Variants in COL14A1 observed in about 807,000 individuals in gnomAD.
COL14A1 encodes collagen type XIV alpha 1 chain, also known as collagen alpha-1(XIV) chain.
Under a neutral mutation model 230.3 loss-of-function variants are expected in COL14A1, and 136 were observed. The observed-to-expected ratio is 0.59, with a 90% CI of 0.51 to 0.68. The LOEUF (loss-of-function observed/expected upper bound fraction) is 0.68. COL14A1 is among the 30% of genes least tolerant of loss of function. The probability of loss-of-function intolerance (pLI) is 0.00; values close to 1 mark genes in which losing one functional copy is unlikely to be tolerated. For missense variants in COL14A1, 1,976 were observed against 2,215.8 expected (o/e 0.89, Z 2.17); for synonymous variants, 792 against 784.1 (o/e 1.01, Z -0.17).
intron 1 of COL14A1, among the ~76,000 whole-genome samples, chr8:120,141,426 G>T (rs2130433017): frequency 6.6e-6 from 1 of 152,072 alleles, no homozygotes. Context: ...CATGCCTATA[G>T]TCCAGCTGCT....
intron 40 of COL14A1, among the ~76,000 whole-genome samples, chr8:120,318,083 G>A (rs1305766331): frequency 6.6e-6 from 1 of 152,170 alleles, no homozygotes; most frequent in East Asian, 1.9e-4. Flanking sequence ...AACACAAGCA[G>A]ATGCCATTCA....
intron 22 of COL14A1, 101 bp downstream of exon 22, chr8:120,250,867 G>GT (rs1383595511): frequency 6.6e-6 from 9 of 1,368,842 alleles, no homozygotes; most frequent in Non-Finnish European, 9.0e-6. Flanking sequence ...GAGTGCGCTG[G>GT]TGCGATCTGG....
intron 21 of COL14A1, among the ~76,000 whole-genome samples, chr8:120,249,214 G>A (rs569779358): frequency 2.1e-4 from 32 of 151,560 alleles, no homozygotes; most frequent in African/African-American, 7.3e-4. Context: ...CACCGCGCCC[G>A]GCCTAGTTTC....
chr8:120,281,963 CT>C (rs1284876054), intron 31 of COL14A1, among the ~76,000 whole-genome samples: 188 of 151,590 alleles, frequency 1.2e-3, no homozygotes, highest in African/African-American at 3.6e-3. Flanking sequence ...ATTCTTGTTT[CT>C]TTTTTTTTAT....
chr8:120,341,997 T>G (rs887865853), intron 43 of COL14A1, among the ~76,000 whole-genome samples: 3 of 152,236 alleles, frequency 2.0e-5, no homozygotes, highest in African/African-American at 7.2e-5. Context: ...AAAATGGGTT[T>G]AACATCTTTC....
At chr8:120,201,140 TA>T (rs1817236142) in intron 8 of COL14A1, among the ~76,000 whole-genome samples, 1 of 152,092 alleles carries the variant, frequency 6.6e-6, no homozygotes, top group Non-Finnish European at 1.5e-5. Flanking sequence ...GTAAGTGATG[TA>T]TATTATCCTA....
At chr8:120,172,926 C>T (rs1563650503) in intron 5 of COL14A1, among the ~76,000 whole-genome samples, 1 of 152,132 alleles carries the variant, frequency 6.6e-6, no homozygotes, top group Non-Finnish European at 1.5e-5. Context: ...GTGAAATCTA[C>T]CAGATATATA....
intron 28 of COL14A1, 94 bp downstream of exon 28, chr8:120,278,672 T>C (rs1352529916): frequency 9.5e-6 from 12 of 1,261,098 alleles, no homozygotes; most frequent in African/African-American, 1.5e-5. Context: ...ATTACTTAAA[T>C]GTTTTAAAAT....
intron 1 of COL14A1, among the ~76,000 whole-genome samples, chr8:120,147,600 T>C (rs890175044): frequency 3.9e-5 from 6 of 152,214 alleles, no homozygotes; most frequent in African/African-American, 1.4e-4. Context: ...CTTCCAAATA[T>C]TTCAAATCAT....
At chr8:120,334,284 T>G (rs1028267522) in intron 42 of COL14A1, among the ~76,000 whole-genome samples, 2 of 152,338 alleles carry the variant, frequency 1.3e-5, no homozygotes, top group East Asian at 3.9e-4. Context: ...ACAAAATGCA[T>G]CTTGATTTTA....
intron 1 of COL14A1, among the ~76,000 whole-genome samples, chr8:120,145,830 G>T (rs1426072965): frequency 1.3e-5 from 2 of 152,078 alleles, no homozygotes; most frequent in Non-Finnish European, 2.9e-5. Context: ...TAGTAAAAGG[G>T]CATTTACTGT....
At chr8:120,310,158 T>A (rs1215690740) in intron 37 of COL14A1, 96 bp downstream of exon 37, 1 of 1,283,280 alleles carries the variant, frequency 7.8e-7, no homozygotes, top group African/African-American at 1.5e-5. Flanking sequence ...ATTTCACCCT[T>A]GCAATCTAAA....
At chr8:120,130,146 G>A (rs73317770) in intron 1 of COL14A1, among the ~76,000 whole-genome samples, 49,101 of 152,092 alleles carry the variant, frequency 0.32, 8,313 homozygotes, top group African/African-American at 0.39. Context: ...GTCAATAAGC[G>A]CACTGTTCAC....
intron 5 of COL14A1, among the ~76,000 whole-genome samples, chr8:120,187,846 A>G (rs1816694711): frequency 6.6e-6 from 1 of 152,206 alleles, no homozygotes; most frequent in Non-Finnish European, 1.5e-5. Flanking sequence ...TTTACGTAAC[A>G]TAGAGTACCT....
chr8:120,250,356 A>G (rs1442269554), intron 21 of COL14A1, among the ~76,000 whole-genome samples: 4 of 152,238 alleles, frequency 2.6e-5, no homozygotes, highest in Non-Finnish European at 5.9e-5. Context: ...AGCAGATGGT[A>G]GACTGTGAGG....
chr8:120,170,560 T>C (rs1816065353), intron 5 of COL14A1, among the ~76,000 whole-genome samples: 2 of 152,204 alleles, frequency 1.3e-5, no homozygotes, highest in South Asian at 2.1e-4. Context: ...TACTTAAATG[T>C]GGTCAGTTTT....
chr8:120,339,654 A>T (rs1822214564), intron 42 of COL14A1, among the ~76,000 whole-genome samples: 1 of 152,160 alleles, frequency 6.6e-6, no homozygotes. Flanking sequence ...TAGCATAAAA[A>T]AATTTTAAAC....
chr8:120,244,557 T>G (rs546662566), intron 20 of COL14A1, among the ~76,000 whole-genome samples: 1 of 152,140 alleles, frequency 6.6e-6, no homozygotes, highest in Non-Finnish European at 1.5e-5. Context: ...TCCCCTGGAG[T>G]CCCCAAAGTC....
intron 25 of COL14A1, among the ~76,000 whole-genome samples, chr8:120,267,729 G>A (rs935004553): frequency 3.3e-5 from 5 of 151,856 alleles, no homozygotes; most frequent in African/African-American, 1.2e-4. Flanking sequence ...AGAAAAGAAT[G>A]ACAGTAGAGT....
Sources: allele counts gnomAD v4.1 joint callset (sites outside exome capture counted in the v4.1 genomes callset), GRCh38; gene constraint gnomAD v4.1.1; transcripts MANE v1.5; gene names NCBI Gene and HGNC (gene_info 2026-07-23, HGNC 2026-07-21).